The following CREB5 variants were observed in gnomAD, a reference collection of about 807,000 sequenced individuals.
CREB5 encodes the protein cyclic AMP-responsive element-binding protein 5.
In CREB5, 19 loss-of-function variants were observed where a neutral mutation model predicts 57.1. That is an observed-to-expected ratio of 0.33 (90% CI 0.23 to 0.49). CREB5 has a LOEUF of 0.49. Among genes scored for constraint, CREB5 ranks in the 20% least tolerant of loss-of-function variants. The pLI, the probability that CREB5 is intolerant of heterozygous loss-of-function variation, is 0.99. For synonymous variants in CREB5, 238 were observed against 238.3 expected (o/e 1.00, Z 0.01); for missense variants, 579 against 671.6 (o/e 0.86, Z 1.52).
intron 1 of CREB5, among the ~76,000 whole-genome samples, chr7:28,473,266 G>T (rs754894138): frequency 2.0e-5 from 3 of 152,054 alleles, no homozygotes; most frequent in Non-Finnish European, 4.4e-5. Flanking sequence ...AGGGTGTAGC[G>T]GGCTGCGAAG....
In CREB5 at chr7:28,821,820, T is replaced by C. The variant is rs1252866810; in HGVS notation, c.*2541T>C. ...TTTTTAATTTTTAATTTTTATGTTATGTTTTGCTTTGTTTTAAGTAAACAA... is the reference window on the plus strand; with the variant it reads ...TTTTTAATTTTTAATTTTTATGTTACGTTTTGCTTTGTTTTAAGTAAACAA... On this transcript the variant is annotated 3_prime_UTR_variant, in exon 11 of 11. Coordinates refer to ENST00000357727, the MANE Select transcript of CREB5 (RefSeq NM_182898.4). 3 of 152,788 alleles carry C rather than the reference T, an allele frequency of 2.0e-5. No homozygotes were observed. Among genetic ancestry groups the C allele is most frequent in the South Asian group, 2.1e-4 (1 of 4,830 alleles). The allele number at this position is 152,788 out of a possible 1,614,324, so 9.5% of individuals were successfully genotyped here.
At chr7:28,685,489 A>C (rs762249618) in intron 5 of CREB5, among the ~76,000 whole-genome samples, 6 of 152,042 alleles carry the variant, frequency 3.9e-5, no homozygotes, top group Non-Finnish European at 8.8e-5. Context: ...CAGCTCCAGG[A>C]AAAAAGGGCC....
In CREB5 at chr7:28,786,071, G is replaced by A. The variant is rs114119979; in HGVS notation, c.703-18128G>A. Among the ~76,000 whole-genome samples the A allele has an allele frequency of 7.0e-3, 1,068 of 152,190 alleles. 15 individuals carry two copies. The highest frequency in any genetic ancestry group is 0.024 in the African/African-American group (1,013 of 41,488). On this transcript the variant is annotated intron_variant, in intron 7 of 10. Transcript: ENST00000357727. ...CAAGAAAACTAGTGATAGTGTCAGA[G>A]GCTGAAAGAAGATACAGCCAACTTG...
intron 4 of CREB5, among the ~76,000 whole-genome samples, chr7:28,555,935 C>A (rs60639146): frequency 0.14 from 20,897 of 152,148 alleles, 1,920 homozygotes; most frequent in East Asian, 0.34. Flanking sequence ...TGAAAATGAA[C>A]TTAAAATGGA....
intron 7 of CREB5, among the ~76,000 whole-genome samples, chr7:28,775,299 T>G (rs1327915522): frequency 6.6e-6 from 1 of 152,084 alleles, no homozygotes; most frequent in Non-Finnish European, 1.5e-5. Context: ...AGAAGTCCTC[T>G]CTGATTCCCC....
At chr7:28,634,429 T>C in intron 5 of CREB5, among the ~76,000 whole-genome samples, 3 of 152,292 alleles carry the variant, frequency 2.0e-5, no homozygotes, top group Middle Eastern at 6.8e-3. Flanking sequence ...AAAATGTATA[T>C]TGTTACATCA....
chr7:28,431,125 T>C (rs1289635023), intron 1 of CREB5, among the ~76,000 whole-genome samples: 1 of 152,182 alleles, frequency 6.6e-6, no homozygotes, highest in Non-Finnish European at 1.5e-5. Context: ...AAGCGAGAGA[T>C]GGGAGTCTCA....
intron 4 of CREB5, among the ~76,000 whole-genome samples, chr7:28,543,655 T>C (rs1293482160): frequency 6.6e-6 from 1 of 151,788 alleles, no homozygotes; most frequent in African/African-American, 2.4e-5. Flanking sequence ...GAGCCAGATC[T>C]TATCAGAATA....
rs1168006013 is a variant in CREB5 at position 28,560,915 on chromosome 7, C to T, written c.292-9450C>T. Among the ~76,000 whole-genome samples the T allele has an allele frequency of 8.9e-3, 149 of 16,828 alleles. 5 individuals are homozygous for T. The highest frequency in any genetic ancestry group is 0.024 in the African/African-American group (85 of 3,582). 11.0% of individuals were successfully genotyped at this position (16,828 alleles called of 152,430 possible). ...GTGTGTGCGTGCGCGCGTGCGTGTG[C>T]GTGTGTGCGCGTGCGTGTGTGCGTG... On this transcript the variant is annotated intron_variant, in intron 4 of 10. Coordinates refer to ENST00000357727, the MANE Select transcript of CREB5 (RefSeq NM_182898.4).
At chr7:28,802,515 A>T (rs1225764601) in intron 7 of CREB5, among the ~76,000 whole-genome samples, 2 of 152,244 alleles carry the variant, frequency 1.3e-5, no homozygotes, top group African/African-American at 2.4e-5. Flanking sequence ...CACTATCATG[A>T]ATCAGATAAG....
rs139301029 is a variant in CREB5, at chr7:28,419,015, A to G, written c.3+6098A>G. ...CTCTTACTTTCCAGCTTCAGGCTAC[A>G]TGTAGCTGGATTGATTAGTAAATAC... On this transcript the variant is annotated intron_variant, in intron 1 of 10. Transcript: ENST00000357727. Among the ~76,000 whole-genome samples the G allele has an allele frequency of 2.1e-3, 315 of 152,350 alleles. 1 individual carries two copies. Among genetic ancestry groups the G allele is most frequent in the African/African-American group, 7.2e-3 (301 of 41,584 alleles).
intron 7 of CREB5, among the ~76,000 whole-genome samples, chr7:28,730,851 G>A (rs183591781): frequency 6.6e-6 from 1 of 152,040 alleles, no homozygotes; most frequent in Non-Finnish European, 1.5e-5. Flanking sequence ...TTTGATTTTT[G>A]TCCTGTTTCT....
chr7:28,411,060 C>T (rs920138577), upstream of CREB5, among the ~76,000 whole-genome samples: 2 of 152,210 alleles, frequency 1.3e-5, no homozygotes, highest in Non-Finnish European at 1.5e-5. Flanking sequence ...ACCACTGTAC[C>T]TGATCAGCGC....
At chr7:28,470,273 G>C (rs558346736) in intron 1 of CREB5, among the ~76,000 whole-genome samples, 172 of 152,120 alleles carry the variant, frequency 1.1e-3, no homozygotes, top group African/African-American at 3.9e-3. Flanking sequence ...CTATCTCCAT[G>C]GGTTTAATTG....
At chr7:28,430,746 T>C (rs148813365) in intron 1 of CREB5, among the ~76,000 whole-genome samples, 88 of 152,358 alleles carry the variant, frequency 5.8e-4, no homozygotes, top group Non-Finnish European at 9.0e-4. Flanking sequence ...GCTATTGCTG[T>C]ATGACACATT....
At chr7:28,487,615 C>A (rs1791621626) in intron 1 of CREB5, among the ~76,000 whole-genome samples, 1 of 152,200 alleles carries the variant, frequency 6.6e-6, no homozygotes, top group Non-Finnish European at 1.5e-5. Context: ...CGGTTCGCCA[C>A]CAGAATCACT....
intron 1 of CREB5, among the ~76,000 whole-genome samples, chr7:28,370,323 T>C (rs1028311215): frequency 6.6e-6 from 1 of 152,216 alleles, no homozygotes; most frequent in Non-Finnish European, 1.5e-5. Flanking sequence ...AACATCTCTC[T>C]GCCTCATTTT....
chr7:28,780,659 T>G (rs1477540037), intron 7 of CREB5, among the ~76,000 whole-genome samples: 1 of 152,266 alleles, frequency 6.6e-6, no homozygotes, highest in East Asian at 1.9e-4. Context: ...GAGGTGGAGA[T>G]TGCAGTGTGC....
chr7:28,543,881 T>A (rs1794311459), intron 4 of CREB5, among the ~76,000 whole-genome samples: 1 of 150,870 alleles, frequency 6.6e-6, no homozygotes, highest in South Asian at 2.1e-4. Flanking sequence ...ACATAATATG[T>A]GATTCACCAT....
Sources: allele counts gnomAD v4.1 joint callset (sites outside exome capture counted in the v4.1 genomes callset), GRCh38; gene constraint gnomAD v4.1.1; transcripts MANE v1.5; gene names NCBI Gene and HGNC (gene_info 2026-07-23, HGNC 2026-07-21).